DLG2: variants seen among roughly 807,000 people sequenced by gnomAD.
The protein encoded by DLG2 is disks large homolog 2.
Under a neutral mutation model 132.5 loss-of-function variants are expected in DLG2, and 45 were observed. The observed-to-expected ratio is 0.34, with a 90% CI of 0.27 to 0.44. The LOEUF (loss-of-function observed/expected upper bound fraction) is 0.44. Ranked by LOEUF, DLG2 falls within the 20% of genes least tolerant of loss-of-function variation. The pLI is 1.00. For synonymous variants in DLG2, 424 were observed against 419.6 expected (o/e 1.01, Z -0.13); for missense variants, 1,045 against 1,196.9 (o/e 0.87, Z 1.87).
chr11:83,497,340 C>T lies in DLG2; in HGVS notation c.2194-13112G>A, dbSNP rs73520686. ...GGTGGATCACCTGAGCTCAGGAATT[C>T]GACACCAGCCTGATCAATATGGCAA... On this transcript the variant is annotated intron_variant, in intron 21 of 27. Coordinates refer to ENST00000376104, the MANE Select transcript of DLG2 (RefSeq NM_001142699.3). Among the ~76,000 whole-genome samples the T allele has an allele frequency of 3.9e-3, 599 of 152,150 alleles. 2 individuals carry two copies. Among genetic ancestry groups the T allele is most frequent in the African/African-American group, 0.012 (492 of 41,530 alleles).
At chr11:84,824,622 C>G (rs746640775) in intron 6 of DLG2, among the ~76,000 whole-genome samples, 3 of 151,840 alleles carry the variant, frequency 2.0e-5, no homozygotes, top group Non-Finnish European at 4.4e-5. Flanking sequence ...GACAGCTCAG[C>G]AAACTTGGTC....
chr11:84,158,894 A>G (rs553597056), intron 9 of DLG2, among the ~76,000 whole-genome samples: 3 of 152,350 alleles, frequency 2.0e-5, no homozygotes, highest in South Asian at 4.1e-4. Flanking sequence ...AATATTAAGA[A>G]TAATTATATA....
intron 3 of DLG2, among the ~76,000 whole-genome samples, chr11:85,593,774 C>T (rs1359834068): frequency 1.3e-5 from 2 of 151,846 alleles, no homozygotes; most frequent in Non-Finnish European, 1.5e-5. Context: ...TTACTACATT[C>T]GAATTACTAT....
intron 6 of DLG2, among the ~76,000 whole-genome samples, chr11:84,620,658 TAAAG>T (rs2099612256): frequency 6.6e-6 from 1 of 152,060 alleles, no homozygotes. Context: ...TCTGAAAATA[TAAAG>T]AAAGAACTCA....
At chr11:85,065,216 A>T (rs1225186927) in intron 6 of DLG2, among the ~76,000 whole-genome samples, 1 of 151,586 alleles carries the variant, frequency 6.6e-6, no homozygotes, top group Non-Finnish European at 1.5e-5. Flanking sequence ...ACTATTTATT[A>T]TTAGAAATAT....
At chr11:84,142,153 T>C (rs1048405886) in intron 9 of DLG2, among the ~76,000 whole-genome samples, 3 of 151,710 alleles carry the variant, frequency 2.0e-5, no homozygotes, top group African/African-American at 7.3e-5. Flanking sequence ...AATACAAAAA[T>C]TAGCTGCACA....
chr11:85,480,051 G>C lies in DLG2; in HGVS notation c.40+118606C>G, dbSNP rs569405719. On this transcript the variant is annotated intron_variant, in intron 3 of 27. Coordinates refer to ENST00000376104, the MANE Select transcript of DLG2 (RefSeq NM_001142699.3). ...TTCAACACATGAATTTTGTGGGGGA[G>C]GGGACACAATACAGCCCATAAGACT... Among the ~76,000 whole-genome samples the C allele has an allele frequency of 2.6e-5, 4 of 152,264 alleles. No individual in the cohort carries two copies. The South Asian group carries it at 6.2e-4, about 24-fold the overall frequency.
At chr11:85,070,823 A>G (rs1593612630) in intron 6 of DLG2, among the ~76,000 whole-genome samples, 1 of 151,882 alleles carries the variant, frequency 6.6e-6, no homozygotes, top group South Asian at 2.1e-4. Flanking sequence ...ATCTCATAGC[A>G]TTTTCAAATT....
At chr11:84,086,011 A>C (rs2096973493) in intron 10 of DLG2, among the ~76,000 whole-genome samples, 1 of 152,212 alleles carries the variant, frequency 6.6e-6, no homozygotes, top group African/African-American at 2.4e-5. Context: ...TTGATGTTTT[A>C]GCAGCTGGAA....
At chr11:83,844,149 A>C (rs556894295) in intron 16 of DLG2, among the ~76,000 whole-genome samples, 22 of 152,164 alleles carry the variant, frequency 1.4e-4, no homozygotes, top group Non-Finnish European at 2.8e-4. Flanking sequence ...GGACCCTGTG[A>C]GGCTACACCC....
intron 21 of DLG2, among the ~76,000 whole-genome samples, chr11:83,528,956 G>A (rs370317950): frequency 6.6e-6 from 1 of 152,048 alleles, no homozygotes; most frequent in Non-Finnish European, 1.5e-5. Context: ...GTGCTCTCTG[G>A]TTATTCCTGC....
intron 9 of DLG2, among the ~76,000 whole-genome samples, chr11:84,115,247 C>A (rs2093576988): frequency 6.6e-6 from 1 of 152,166 alleles, no homozygotes; most frequent in African/African-American, 2.4e-5. Context: ...GGCTCAAAAT[C>A]TATTCATTGG....
intron 8 of DLG2, among the ~76,000 whole-genome samples, chr11:84,215,973 A>G (rs1189502230): frequency 2.0e-5 from 3 of 152,200 alleles, no homozygotes; most frequent in Non-Finnish European, 4.4e-5. Flanking sequence ...ATTGATTCAT[A>G]ACACCTTACT....
intron 6 of DLG2, among the ~76,000 whole-genome samples, chr11:85,025,527 G>C (rs889688096): frequency 6.6e-6 from 1 of 152,136 alleles, no homozygotes; most frequent in Non-Finnish European, 1.5e-5. Context: ...AGACACAAAA[G>C]ATGTCAGCAT....
chr11:83,804,577 A>AAGACACACACACACACAC (rs2045406950), intron 17 of DLG2, among the ~76,000 whole-genome samples: 1 of 38,740 alleles, frequency 2.6e-5, no homozygotes, highest in Admixed American at 2.0e-4. Flanking sequence ...TGCCTAGCAG[A>AAGACACACACACACACAC]AGACACACAC....
chr11:84,227,381 A>G (rs2097016641), intron 8 of DLG2, among the ~76,000 whole-genome samples: 1 of 152,162 alleles, frequency 6.6e-6, no homozygotes, highest in Non-Finnish European at 1.5e-5. Flanking sequence ...ATGGATATGA[A>G]GGAAACCAGG....
chr11:85,125,714 C>A (rs1409844919), intron 5 of DLG2, among the ~76,000 whole-genome samples: 1 of 151,928 alleles, frequency 6.6e-6, no homozygotes, highest in East Asian at 1.9e-4. Context: ...TGTGAATGCA[C>A]CTCATCTTTA....
chr11:84,175,684 A>G (rs1481923128), intron 8 of DLG2, among the ~76,000 whole-genome samples: 1 of 152,070 alleles, frequency 6.6e-6, no homozygotes. Context: ...ATCCCATTTA[A>G]AAAGCACATC....
intron 11 of DLG2, among the ~76,000 whole-genome samples, chr11:84,020,498 A>G (rs1401915716): frequency 6.6e-6 from 1 of 152,206 alleles, no homozygotes; most frequent in Non-Finnish European, 1.5e-5. Context: ...GAAAGAGAAA[A>G]TGTACTCTTC....
Sources: gnomAD v4.1 joint callset for allele counts (sites outside exome capture counted in the v4.1 genomes callset) on GRCh38, gnomAD v4.1.1 for gene constraint, MANE v1.5 for transcripts, NCBI Gene and HGNC (gene_info 2026-07-23, HGNC 2026-07-21) for gene names.